IGF1R: variants seen among roughly 807,000 people sequenced by gnomAD.
IGF1R encodes the protein insulin like growth factor 1 receptor.
In IGF1R, 44 loss-of-function variants were observed where a neutral mutation model predicts 144.6. The observed-to-expected ratio is 0.30, with a 90% CI of 0.24 to 0.39. IGF1R has a LOEUF of 0.39. IGF1R is among the 10% of genes least tolerant of loss of function. IGF1R has a pLI of 1.00. For missense variants in IGF1R, 1,355 were observed against 1,833.7 expected (o/e 0.74, Z 4.77); for synonymous variants, 795 against 722.8 (o/e 1.10, Z -1.60).
At chr15:98,805,482 A>G (rs1218826571) in intron 2 of IGF1R, among the ~76,000 whole-genome samples, 8 of 152,006 alleles carry the variant, frequency 5.3e-5, no homozygotes, top group African/African-American at 7.2e-5. Flanking sequence ...GTCTGTTCCA[A>G]AAGGGTGCCT....
At chr15:98,760,634 A>G (rs572597438) in intron 2 of IGF1R, among the ~76,000 whole-genome samples, 3 of 152,250 alleles carry the variant, frequency 2.0e-5, no homozygotes, top group Admixed American at 6.5e-5. Flanking sequence ...GGCTCTTGCA[A>G]CGGGGCGTCT....
At chr15:98,667,671 C>G (rs528171293) in intron 1 of IGF1R, among the ~76,000 whole-genome samples, 1 of 152,122 alleles carries the variant, frequency 6.6e-6, no homozygotes, top group African/African-American at 2.4e-5. Flanking sequence ...TCGAGGTGGC[C>G]GAGCTTGTCT....
At chr15:98,838,229 G>C (rs1567154437) in intron 2 of IGF1R, among the ~76,000 whole-genome samples, 1 of 152,042 alleles carries the variant, frequency 6.6e-6, no homozygotes, top group Non-Finnish European at 1.5e-5. Flanking sequence ...GTGTATTTCA[G>C]TTAACCATGT....
chr15:98,711,906 C>G (rs1433065499), intron 2 of IGF1R, among the ~76,000 whole-genome samples: 1 of 152,206 alleles, frequency 6.6e-6, no homozygotes, highest in Non-Finnish European at 1.5e-5. Context: ...AGGGCCCACA[C>G]TCTGGTTCAC....
At chr15:98,924,896 T>G (rs2015648399) in intron 13 of IGF1R, among the ~76,000 whole-genome samples, 3 of 151,754 alleles carry the variant, frequency 2.0e-5, no homozygotes, top group Admixed American at 2.0e-4. Flanking sequence ...CTACCTCATG[T>G]GGCAGGAAGG....
intron 5 of IGF1R, 91 bp downstream of exon 5, chr15:98,899,712 G>T: frequency 7.5e-7 from 1 of 1,326,422 alleles, no homozygotes; most frequent in Non-Finnish European, 1.1e-6. Flanking sequence ...AGCCCTCCCT[G>T]CCTTGTTAAA....
At chr15:98,791,464 G>A (rs1264868139) in intron 2 of IGF1R, among the ~76,000 whole-genome samples, 3 of 152,140 alleles carry the variant, frequency 2.0e-5, no homozygotes, top group African/African-American at 7.2e-5. Context: ...AATCCTGTTT[G>A]TGACCACTTA....
rs377156732 is a variant in IGF1R, at chr15:98,957,492, G to A, written c.*50G>A. The A allele has an allele frequency of 5.6e-5, 90 of 1,609,022 alleles. 1 individual carries two copies. The highest frequency in any genetic ancestry group is 3.9e-4 in the African/African-American group (29 of 74,932). On this transcript the variant is annotated 3_prime_UTR_variant, in exon 21 of 21. Transcript: ENST00000650285. ...ACAGTAACGTGTGCGCACGCGCAGC[G>A]GGGTGGGGGGGGAGAGAGAGTTTTA...
chr15:98,746,327 T>A (rs565684023), intron 2 of IGF1R, among the ~76,000 whole-genome samples: 1 of 152,332 alleles, frequency 6.6e-6, no homozygotes, highest in East Asian at 1.9e-4. Context: ...GCTTGCATTA[T>A]GTATCAAAAC....
At chr15:98,943,852 G>A (rs2016454220) in intron 19 of IGF1R, among the ~76,000 whole-genome samples, 1 of 152,238 alleles carries the variant, frequency 6.6e-6, no homozygotes, top group Non-Finnish European at 1.5e-5. Context: ...TGACCGCATA[G>A]AGGAACTATT....
At chr15:98,934,493 G>A (rs35833419) in intron 15 of IGF1R, among the ~76,000 whole-genome samples, 59,857 of 151,934 alleles carry the variant, frequency 0.39, 12,093 homozygotes, top group Non-Finnish European at 0.45. Flanking sequence ...TCAAAAATGT[G>A]TTTTTATGTG....
intron 10 of IGF1R, among the ~76,000 whole-genome samples, chr15:98,920,501 T>C (rs1269977016): frequency 2.0e-5 from 3 of 152,092 alleles, no homozygotes; most frequent in African/African-American, 2.4e-5. Flanking sequence ...CAGACACAAG[T>C]GTATGTTGTG....
At chr15:98,677,640 T>G (rs1170616249) in intron 1 of IGF1R, among the ~76,000 whole-genome samples, 1 of 152,238 alleles carries the variant, frequency 6.6e-6, no homozygotes, top group Non-Finnish European at 1.5e-5. Flanking sequence ...TTGTTCATCC[T>G]TAGCCTGTGG....
chr15:98,857,878 T>G (rs1006855138), intron 2 of IGF1R, among the ~76,000 whole-genome samples: 1 of 152,216 alleles, frequency 6.6e-6, no homozygotes, highest in Non-Finnish European at 1.5e-5. Context: ...TTTCCTGTCA[T>G]ATTTAGGGCT....
intron 11 of IGF1R, 88 bp from the exon 12 acceptor site, chr15:98,923,788 A>AT: frequency 5.8e-6 from 6 of 1,037,956 alleles, no homozygotes; most frequent in Non-Finnish European, 9.1e-6. Context: ...GCCCGTGTGG[A>AT]TGGGGGGGTT....
intron 2 of IGF1R, among the ~76,000 whole-genome samples, chr15:98,842,688 C>T (rs1356108860): frequency 6.6e-6 from 1 of 152,182 alleles, no homozygotes; most frequent in Non-Finnish European, 1.5e-5. Flanking sequence ...GACAAAGATC[C>T]TTGTTCTCTA....
chr15:98,817,132 G>T (rs374550195), intron 2 of IGF1R, among the ~76,000 whole-genome samples: 1 of 151,834 alleles, frequency 6.6e-6, no homozygotes, highest in Non-Finnish European at 1.5e-5. Flanking sequence ...GTGAAACCCC[G>T]TCTCTACTAA....
intron 2 of IGF1R, among the ~76,000 whole-genome samples, chr15:98,739,328 C>T (rs559780458): frequency 2.2e-4 from 34 of 152,128 alleles, no homozygotes; most frequent in Non-Finnish European, 4.3e-4. Context: ...TCCCGTCTGT[C>T]ATAGCCTTCC....
chr15:98,798,373 A>G (rs2056293618), intron 2 of IGF1R, among the ~76,000 whole-genome samples: 1 of 152,126 alleles, frequency 6.6e-6, no homozygotes, highest in African/African-American at 2.4e-5. Flanking sequence ...AAACTGAGTC[A>G]GTTATGTAGG....
Sources: allele counts gnomAD v4.1 joint callset (sites outside exome capture counted in the v4.1 genomes callset), GRCh38; gene constraint gnomAD v4.1.1; transcripts MANE v1.5; gene names NCBI Gene and HGNC (gene_info 2026-07-23, HGNC 2026-07-21).